TAF5: variants seen among roughly 807,000 people sequenced by gnomAD.
TAF5 encodes TATA-box binding protein associated factor 5, also known as transcription initiation factor TFIID subunit 5.
A neutral mutation model predicts 80.9 loss-of-function variants in TAF5; 20 were observed. The ratio of observed to expected loss-of-function variants is 0.25; its 90% CI spans 0.17 to 0.36. TAF5 has a LOEUF of 0.36. Among genes scored for constraint, TAF5 ranks in the 10% least tolerant of loss-of-function variants. TAF5 has a pLI of 1.00. For synonymous variants in TAF5, 388 were observed against 406.4 expected, an observed-to-expected ratio of 0.95 and a Z score of 0.55; for missense variants, 863 against 1,029.4, an observed-to-expected ratio of 0.84 and a Z score of 2.21.
chr10:103,377,635 G>A (rs2093372856), intron 2 of TAF5, among the ~76,000 whole-genome samples: 1 of 152,102 alleles, frequency 6.6e-6, no homozygotes, highest in South Asian at 2.1e-4. Flanking sequence ...CAAACAATGA[G>A]TACTTCCACT....
At chr10:103,369,366 T>A (rs1421939164) in intron 1 of TAF5, among the ~76,000 whole-genome samples, 1 of 151,420 alleles carries the variant, frequency 6.6e-6, no homozygotes, top group East Asian at 1.9e-4. Context: ...TTTTTCTTTT[T>A]TTCTTTTTTT....
intron 5 of TAF5, 95 bp from the exon 6 acceptor site, chr10:103,381,626 G>A: frequency 1.5e-6 from 2 of 1,313,146 alleles, no homozygotes; most frequent in South Asian, 2.6e-5. Context: ...GAGGATTGAG[G>A]AGATATTTAG....
intron 6 of TAF5, 131 bp downstream of exon 6, chr10:103,381,972 C>G: frequency 7.7e-7 from 1 of 1,304,108 alleles, no homozygotes; most frequent in Non-Finnish European, 1.1e-6. Context: ...AAGATTCTAA[C>G]ATTCCCAACA....
chr10:103,371,515 A>C (rs1313183320), intron 1 of TAF5, among the ~76,000 whole-genome samples: 1 of 152,236 alleles, frequency 6.6e-6, no homozygotes. Context: ...GATTTAATTG[A>C]CAGATTAATT....
intron 5 of TAF5, among the ~76,000 whole-genome samples, 183 bp from the exon 6 acceptor site, chr10:103,381,538 A>G (rs1160426738): frequency 6.6e-6 from 1 of 152,238 alleles, no homozygotes; most frequent in Non-Finnish European, 1.5e-5. Context: ...AATTGTTGGG[A>G]TTACAGGCAT....
Position 103,368,555 on chromosome 10 carries a change from C to A in TAF5, c.559+7C>A. On this transcript the variant is annotated splice_region_variant and intron_variant, in intron 1 of 10. Transcript: ENST00000369839. ...CCTGCGGCTCCGGGTAAAGGTGAGC[C>A]GTGGGGTCCCGGGTAGGTACGGCCG... The A allele has an allele frequency of 6.7e-7, 1 of 1,489,376 alleles. No individual in the cohort carries two copies. Among genetic ancestry groups the A allele is most frequent in the Non-Finnish European group, 8.9e-7 (1 of 1,127,672 alleles). 92.3% of individuals were successfully genotyped at this position (1,489,376 alleles called of 1,614,324 possible).
intron 1 of TAF5, among the ~76,000 whole-genome samples, chr10:103,368,969 A>C (rs184133886): frequency 1.5e-4 from 22 of 147,560 alleles, no homozygotes; most frequent in Admixed American, 1.2e-3. Flanking sequence ...ATGTGTTGAT[A>C]AATACTTTAT....
rs148301664 is a variant in TAF5 at position 103,383,491 on chromosome 10, G to A, written c.1664+124G>A. The A allele has an allele frequency of 7.8e-4, 725 of 928,646 alleles. 5 individuals are homozygous for A. In the African/African-American group the frequency reaches 0.011, roughly 15 times the overall value. The allele number at this position is 928,646 out of a possible 1,614,324, so 57.5% of individuals were successfully genotyped here. On this transcript the variant is annotated intron_variant, in intron 7 of 10. Coordinates refer to ENST00000369839, the MANE Select transcript of TAF5 (RefSeq NM_006951.5). ...GATAAAAATCTCATGGTTGTCTGAC[G>A]TTCATCATCTTTTAGAATCTTGCCA... is the stretch of plus-strand genomic sequence containing the variant.
At chr10:103,383,848 G>T (rs1237370065) in intron 7 of TAF5, among the ~76,000 whole-genome samples, 1 of 152,056 alleles carries the variant, frequency 6.6e-6, no homozygotes, top group East Asian at 1.9e-4. Context: ...AAAGTGCTGG[G>T]ATTACAGGCG....
intron 7 of TAF5, 48 bp from the exon 8 acceptor site, chr10:103,385,278 A>T (rs1404998040): frequency 1.3e-6 from 2 of 1,544,640 alleles, no homozygotes; most frequent in East Asian, 4.5e-5. Context: ...TGGGCAGGTG[A>T]CCAAAGGTTA....
intron 3 of TAF5, 81 bp from the exon 4 acceptor site, chr10:103,379,527 T>G: frequency 8.4e-7 from 1 of 1,193,498 alleles, no homozygotes; most frequent in Admixed American, 2.9e-5. Context: ...ATTTTGTAAT[T>G]GTGATTTATC....
At position 103,374,111 on chromosome 10, in the gene TAF5, T is replaced by C. The variant is rs1410226127; in HGVS notation, c.797+516T>C. ...TCCTAAGAGCAGTAGGGAGTTGTAT[T>C]GGATAGGATTAGATTTGGTTGAGAG... On this transcript the variant is annotated intron_variant, in intron 2 of 10. Coordinates refer to ENST00000369839, the MANE Select transcript of TAF5 (RefSeq NM_006951.5). The surrounding 1 kb of genome is among the most constrained non-coding windows in gnomAD (Gnocchi z 4.3). 6.6e-6 allele frequency among the ~76,000 whole-genome samples: 1 copy of C among 152,068 alleles called. No homozygotes were observed. Among genetic ancestry groups the C allele is most frequent in the Non-Finnish European group, 1.5e-5 (1 of 68,006 alleles).
chr10:103,376,420 G>C (rs1265787818), intron 2 of TAF5, among the ~76,000 whole-genome samples: 1 of 152,062 alleles, frequency 6.6e-6, no homozygotes, highest in Non-Finnish European at 1.5e-5. Context: ...ACAAGCAACA[G>C]AGCCTGAAGT....
At chr10:103,373,165 C>T (rs2093363420) in intron 1 of TAF5, among the ~76,000 whole-genome samples, 193 bp from the exon 2 acceptor site, 1 of 151,704 alleles carries the variant, frequency 6.6e-6, no homozygotes, top group Admixed American at 6.6e-5. Context: ...CCACCGCCCT[C>T]CAGCCTGGCG....
rs1400980542 is a variant in TAF5, at chr10:103,367,994, C to T, written c.5C>T (p.Ala2Val). The T allele has an allele frequency of 6.8e-6, 10 of 1,459,944 alleles. No individual in the cohort carries two copies. Among genetic ancestry groups the T allele is most frequent in the Middle Eastern group, 2.1e-4 (1 of 4,672 alleles). The allele number at this position is 1,459,944 out of a possible 1,614,324, so 90.4% of individuals were successfully genotyped here. Residue 2 changes from alanine (A) to valine (V), a missense_variant, in exon 1 of 11, where the codon GCG (alanine) becomes GTG (valine). By Grantham distance (64) the Ala-to-Val change is moderately conservative. Coordinates refer to ENST00000369839, the MANE Select transcript of TAF5 (RefSeq NM_006951.5). ...GCGAGGTGGCTCAGCCGCAAGATGG[C>T]GGCGCTGGCGGAGGAGCAGACGGAG... M[A>V]ALAEEQTEVA...
In TAF5 at chr10:103,368,181, C is replaced by G; in HGVS notation, c.192C>G (p.Pro64=). 1.4e-6 allele frequency: 2 copies of G among 1,394,942 alleles called. No individual in the cohort carries two copies. Among genetic ancestry groups the G allele is most frequent in the Non-Finnish European group, 9.3e-7 (1 of 1,076,094 alleles). The allele number at this position is 1,394,942 out of a possible 1,614,324, so 86.4% of individuals were successfully genotyped here. ...SSSTGGDGGT[P]KPTVAVSAAA... ...CCACTGGCGGGGATGGCGGGACCCC[C>G]AAGCCCACGGTGGCTGTCTCCGCCG... The change falls in exon 1 of 11, where the codon CCC becomes CCG. Residue 64 remains proline, a synonymous_variant. Transcript: ENST00000369839.
intron 6 of TAF5, 52 bp downstream of exon 6, chr10:103,381,893 C>T (rs767343206): frequency 5.0e-6 from 8 of 1,605,530 alleles, no homozygotes; most frequent in Non-Finnish European, 6.8e-6. Context: ...CTATACCAAT[C>T]TTGATTCCAT....
intron 1 of TAF5, 52 bp from the exon 2 acceptor site, chr10:103,373,306 T>A: frequency 6.8e-7 from 1 of 1,477,476 alleles, no homozygotes; most frequent in South Asian, 1.2e-5. Context: ...ACAGCCATAG[T>A]CACATGGTCA....
Position 103,387,246 on chromosome 10 carries a change from G to T in TAF5, c.1901G>T (p.Arg634Ile). ...CATCTTGCTGATGTGAATTGTACCA[G>T]ATTCCATCCAAATTCTAATTATGTT... ...AGHLADVNCT[R>I]FHPNSNYVAT... Residue 634 changes from arginine (R) to isoleucine (I), a missense_variant, in exon 9 of 11, where the codon AGA becomes ATA. By Grantham distance (97) the Arg-to-Ile change is moderately conservative (BLOSUM62 -3). This residue lies in a region of TAF5 where 368 missense variants were observed against 461.7 expected (regional missense o/e 0.80). Coordinates refer to ENST00000369839, the MANE Select transcript of TAF5 (RefSeq NM_006951.5). 13 of 1,614,154 alleles carry T rather than the reference G, an allele frequency of 8.1e-6. No homozygotes were observed. Among genetic ancestry groups the T allele is most frequent in the Non-Finnish European group, 1.1e-5 (13 of 1,180,036 alleles).
Sources: allele counts gnomAD v4.1 joint callset (sites outside exome capture counted in the v4.1 genomes callset), GRCh38; gene constraint gnomAD v4.1.1; regional missense constraint gnomAD v4.1.1; non-coding constraint Gnocchi (gnomAD v3.1); transcripts MANE v1.5; gene names NCBI Gene and HGNC (gene_info 2026-07-23, HGNC 2026-07-21).